The following TMEM30B variants were observed in gnomAD, a reference collection of about 807,000 sequenced individuals.
TMEM30B encodes cell cycle control protein 50B.
TMEM30B carries 25 observed loss-of-function variants against 27.9 expected under a neutral mutation model. That is an observed-to-expected ratio of 0.89 (90% CI 0.65 to 1.25). TMEM30B has a LOEUF of 1.25. Among genes scored for constraint, TMEM30B ranks in the 50% most tolerant of loss-of-function variants. The probability of loss-of-function intolerance (pLI) is 0.00; values close to 1 mark genes in which losing one functional copy is unlikely to be tolerated. For missense variants in TMEM30B, 536 were observed against 506.5 expected, an observed-to-expected ratio of 1.06 and a Z score of -0.56; for synonymous variants, 248 against 238.5, an observed-to-expected ratio of 1.04 and a Z score of -0.37.
At position 61,277,860 on chromosome 14, in the gene TMEM30B, A is replaced by C. The variant is rs2140089971; in HGVS notation, c.*2232T>G. On this transcript the variant is annotated 3_prime_UTR_variant, in exon 1 of 1. Coordinates refer to ENST00000555868, the MANE Select transcript of TMEM30B (RefSeq NM_001017970.3). The stretch of plus-strand genomic sequence containing the variant: ...ATTGAGTTCATTTTAACTGAATGTT[A>C]CTATAAAAGATGGTTTTCTTGCTGC... 1 of 152,310 alleles carries C rather than the reference A, an allele frequency of 6.6e-6. No homozygotes were observed. The highest frequency in any genetic ancestry group is 1.5e-5 in the Non-Finnish European group (1 of 68,014). The allele number at this position is 152,310 out of a possible 1,614,324, so 9.4% of individuals were successfully genotyped here. A position where few individuals can be genotyped will look rare whatever the true frequency, so the allele number is the denominator to read the frequency against.
In TMEM30B at chr14:61,278,496, T is replaced by A. The variant is rs1446250790; in HGVS notation, c.*1596A>T. On this transcript the variant is annotated 3_prime_UTR_variant, in exon 1 of 1. Transcript: ENST00000555868. ...AAAGACTAGAATAAACTATGTAAAC[T>A]ATTCAATACAATTCAATATTACTTA... The A allele has an allele frequency of 1.3e-5, 2 of 152,354 alleles. No individual in the cohort carries two copies. The highest frequency in any genetic ancestry group is 1.3e-4 in the Admixed American group (2 of 15,306). 9.4% of individuals were successfully genotyped at this position (152,354 alleles called of 1,614,324 possible).
chr14:61,280,668 C>A lies in TMEM30B; in HGVS notation c.480G>T (p.Ala160=), dbSNP rs568446535. 172 of 1,572,198 alleles carry A rather than the reference C, an allele frequency of 1.1e-4. No homozygotes were observed. The highest frequency in any genetic ancestry group is 1.4e-4 in the Non-Finnish European group (165 of 1,160,492). Residue 160 remains alanine (A), a synonymous_variant, in exon 1 of 1, where the codon GCG becomes GCT. Coordinates refer to ENST00000555868, the MANE Select transcript of TMEM30B (RefSeq NM_001017970.3). The surrounding 1 kb of genome is among the most constrained non-coding windows in gnomAD (Gnocchi z 5.0). ...YQRSAAGLPI[A]PCGAIANSLF... ...GGCTGTTGGCGATGGCGCCGCAGGG[C>A]GCGATGGGCAGGCCGGCCGCGCTGC...
chr14:61,281,186 G>T lies in TMEM30B; in HGVS notation c.-39C>A. 8.1e-7 allele frequency: 1 copy of T among 1,240,680 alleles called. No homozygotes were observed. The highest frequency in any genetic ancestry group is 3.4e-5 in the South Asian group (1 of 29,734). 76.9% of individuals were successfully genotyped at this position (1,240,680 alleles called of 1,614,324 possible). On this transcript the variant is annotated 5_prime_UTR_variant, in exon 1 of 1. Transcript: ENST00000555868. The stretch of plus-strand genomic sequence containing the variant: ...GGACCGACGCGCGGGCTGACCGAGT[G>T]GGGGCCCCGCCGCGGGGCGCCTCCC...
In TMEM30B at chr14:61,281,089, T is replaced by A; in HGVS notation, c.59A>T (p.Gln20Leu). ...AHQPDNTAFTQQRLPAWQPLL... is the reference protein window; with the variant it reads ...AHQPDNTAFTLQRLPAWQPLL... The stretch of plus-strand genomic sequence containing the variant: ...CGGCTGCCAGGCGGGGAGGCGCTGC[T>A]GAGTGAAGGCGGTGTTGTCGGGCTG... The change falls in exon 1 of 1, where the codon CAG becomes CTG. Residue 20 changes from glutamine to leucine, a missense_variant. Gln to Leu is a moderately radical substitution (Grantham distance 113). Transcript: ENST00000555868. 6.6e-7 allele frequency: 1 copy of A among 1,507,820 alleles called. No homozygotes were observed. The highest frequency in any genetic ancestry group is 8.8e-7 in the Non-Finnish European group (1 of 1,132,198). The allele number at this position is 1,507,820 out of a possible 1,614,324, so 93.4% of individuals were successfully genotyped here. A position where few individuals can be genotyped will look rare whatever the true frequency, so the allele number is the denominator to read the frequency against.
chr14:61,280,822 T>C lies in TMEM30B; in HGVS notation c.326A>G (p.Tyr109Cys). 2 of 1,563,926 alleles carry C rather than the reference T, an allele frequency of 1.3e-6. No individual in the cohort carries two copies. Among genetic ancestry groups the C allele is most frequent in the Non-Finnish European group, 8.6e-7 (1 of 1,163,750 alleles). Residue 109 changes from tyrosine to cysteine, a missense_variant, in exon 1 of 1, where the codon TAC becomes TGC. Transcript: ENST00000555868. The surrounding 1 kb of genome is among the most constrained non-coding windows in gnomAD (Gnocchi z 5.0). Reference protein sequence around the residue: ...SLPELFQGPVYLYYELTNFYQ... With the variant: ...SLPELFQGPVCLYYELTNFYQ... ...GAAGTTGGTCAGCTCGTAGTAGAGGTACACTGGGCCCTGGAAGAGCTCGGG... is the reference window on the plus strand; with the variant it reads ...GAAGTTGGTCAGCTCGTAGTAGAGGCACACTGGGCCCTGGAAGAGCTCGGG...
chr14:61,281,175 G>C lies in TMEM30B; in HGVS notation c.-28C>G. ...CGGCCGCGCGGGGACCGACGCGCGG[G>C]CTGACCGAGTGGGGGCCCCGCCGCG... On this transcript the variant is annotated 5_prime_UTR_variant, in exon 1 of 1. Coordinates refer to ENST00000555868, the MANE Select transcript of TMEM30B (RefSeq NM_001017970.3). 7.8e-7 allele frequency: 1 copy of C among 1,282,520 alleles called. No homozygotes were observed. The highest frequency in any genetic ancestry group is 9.9e-7 in the Non-Finnish European group (1 of 1,012,602). The allele number at this position is 1,282,520 out of a possible 1,614,324, so 79.4% of individuals were successfully genotyped here.
At position 61,279,273 on chromosome 14, in the gene TMEM30B, A is replaced by T. The variant is rs1473127469; in HGVS notation, c.*819T>A. 1 of 152,244 alleles carries T rather than the reference A, an allele frequency of 6.6e-6. No homozygotes were observed. The highest frequency in any genetic ancestry group is 6.5e-5 in the Admixed American group (1 of 15,284). The allele number at this position is 152,244 out of a possible 1,614,324, so 9.4% of individuals were successfully genotyped here. On this transcript the variant is annotated 3_prime_UTR_variant, in exon 1 of 1. Transcript: ENST00000555868. ...TGCCAACTAGTTTTCCCCAGATAGT[A>T]ATTTTTTAAAAATTCATTCCACAAA...
At position 61,280,473 on chromosome 14, in the gene TMEM30B, G is replaced by T; in HGVS notation, c.675C>A (p.Pro225=). 1 of 1,613,340 alleles carries T rather than the reference G, an allele frequency of 6.2e-7. No homozygotes were observed. The highest frequency in any genetic ancestry group is 1.1e-5 in the South Asian group (1 of 91,042). Residue 225 remains proline, a synonymous_variant, in exon 1 of 1, where the codon CCC becomes CCA. Transcript: ENST00000555868. This position sits in a 1 kb window ranked among gnomAD's most constrained non-coding sequence, Gnocchi z 5.0. ...SLALAFQGTA[P]PPNWRRPVYE... is the part of the protein sequence containing the mutation. ...AGACTGGCCGGCGCCAGTTGGGCGG[G>T]GGCGCCGTGCCCTGGAAGGCCAACG...
chr14:61,279,979 A>G lies in TMEM30B; in HGVS notation c.*113T>C. On this transcript the variant is annotated 3_prime_UTR_variant, in exon 1 of 1. Coordinates refer to ENST00000555868, the MANE Select transcript of TMEM30B (RefSeq NM_001017970.3). ...CCCTTATCTGGTCCCCTCATTCACA[A>G]AGGGAGGAAAAGCTAGGCGAGGTTG... The G allele has an allele frequency of 3.2e-6, 3 of 924,456 alleles. No homozygotes were observed. Among genetic ancestry groups the G allele is most frequent in the Non-Finnish European group, 4.8e-6 (3 of 620,544 alleles). The allele number at this position is 924,456 out of a possible 1,614,324, so 57.3% of individuals were successfully genotyped here.
In TMEM30B at chr14:61,280,052, GT is replaced by G; in HGVS notation, c.*39del. The G allele has an allele frequency of 6.5e-7, 1 of 1,529,526 alleles. No homozygotes were observed. The highest frequency in any genetic ancestry group is 8.8e-7 in the Non-Finnish European group (1 of 1,135,336). 94.7% of individuals were successfully genotyped at this position (1,529,526 alleles called of 1,614,324 possible). A position where few individuals can be genotyped will look rare whatever the true frequency, so the allele number is the denominator to read the frequency against. Reference sequence around the variant, plus strand: ...GAGATGCCAAAAGCACCTTGCAAGAGTTTTGGCAAGAAGCAGGAGGGATCCC... The same window carrying G: ...GAGATGCCAAAAGCACCTTGCAAGAGTTTGGCAAGAAGCAGGAGGGATCCC... On this transcript the variant is annotated 3_prime_UTR_variant, in exon 1 of 1. Coordinates refer to ENST00000555868, the MANE Select transcript of TMEM30B (RefSeq NM_001017970.3). This position sits in a 1 kb window ranked among gnomAD's most constrained non-coding sequence, Gnocchi z 5.0.
rs2045250410 is a variant in TMEM30B, at chr14:61,280,591, T to C, written c.557A>G (p.Tyr186Cys). The C allele has an allele frequency of 6.3e-7, 1 of 1,595,866 alleles. No homozygotes were observed. Among genetic ancestry groups the C allele is most frequent in the Non-Finnish European group, 8.5e-7 (1 of 1,171,542 alleles). Residue 186 changes from tyrosine (Y) to cysteine (C), a missense_variant, in exon 1 of 1, where the codon TAC becomes TGC. Transcript: ENST00000555868. The surrounding 1 kb of genome is among the most constrained non-coding windows in gnomAD (Gnocchi z 5.0). Reference sequence around the variant, plus strand: ...GGAGCGGTCGAGCGGCACCTCGACGTAGGGCCCGCCGGGCTGGCGCTGGTG... The same window carrying C: ...GGAGCGGTCGAGCGGCACCTCGACGCAGGGCCCGCCGGGCTGGCGCTGGTG... ...LWHQRQPGGP[Y>C]VEVPLDRSGI...
In TMEM30B at chr14:61,281,050, C is replaced by T; in HGVS notation, c.98G>A (p.Ser33Asn). 1.3e-6 allele frequency: 2 copies of T among 1,525,266 alleles called. No individual in the cohort carries two copies. The highest frequency in any genetic ancestry group is 1.8e-6 in the Non-Finnish European group (2 of 1,139,568). The allele number at this position is 1,525,266 out of a possible 1,614,324, so 94.5% of individuals were successfully genotyped here. A position where few individuals can be genotyped will look rare whatever the true frequency, so the allele number is the denominator to read the frequency against. The part of the protein sequence containing the change: ...LPAWQPLLSA[S>N]IALPLFFCAG... ...GCAGAAGAAGAGCGGCAGCGCGATG[C>T]TGGCCGACAGCAGCGGCTGCCAGGC... Residue 33 changes from serine (S) to asparagine (N), a missense_variant, in exon 1 of 1, where the codon AGC becomes AAC. By Grantham distance (46) the Ser-to-Asn change is conservative. Transcript: ENST00000555868.
Position 61,281,046 on chromosome 14 carries a change from G to A in TMEM30B, c.102C>T (p.Ile34=), listed in dbSNP as rs1469387143. 4.6e-6 allele frequency: 7 copies of A among 1,525,952 alleles called. No homozygotes were observed. The highest frequency in any genetic ancestry group is 1.4e-5 in the African/African-American group (1 of 70,504). 94.5% of individuals were successfully genotyped at this position (1,525,952 alleles called of 1,614,324 possible). The change falls in exon 1 of 1, where the codon ATC becomes ATT. Residue 34 remains isoleucine (I), a synonymous_variant. Coordinates refer to ENST00000555868, the MANE Select transcript of TMEM30B (RefSeq NM_001017970.3). ...CCGCGCAGAAGAAGAGCGGCAGCGC[G>A]ATGCTGGCCGACAGCAGCGGCTGCC... ...PAWQPLLSAS[I]ALPLFFCAGL...
At position 61,280,979 on chromosome 14, in the gene TMEM30B, A is replaced by G; in HGVS notation, c.169T>C (p.Ser57Pro). The G allele has an allele frequency of 6.5e-7, 1 of 1,542,450 alleles. No homozygotes were observed. The change falls in exon 1 of 1, where the codon TCC becomes CCC. Residue 57 changes from serine (S) to proline (P), a missense_variant. Coordinates refer to ENST00000555868, the MANE Select transcript of TMEM30B (RefSeq NM_001017970.3). This position sits in a 1 kb window ranked among gnomAD's most constrained non-coding sequence, Gnocchi z 5.0. Reference protein sequence around the residue: ...IGLGLGLYYSSNGIKELEYDY... With the variant: ...IGLGLGLYYSPNGIKELEYDY... Reference sequence around the variant, plus strand: ...TACTCCAGCTCCTTGATGCCGTTGGAGGAGTAGTAGAGGCCCAGGCCCAGG... The same window carrying G: ...TACTCCAGCTCCTTGATGCCGTTGGGGGAGTAGTAGAGGCCCAGGCCCAGG...
Position 61,281,101 on chromosome 14 carries a change from G to T in TMEM30B, c.47C>A (p.Thr16Asn), listed in dbSNP as rs1437532043. The part of the protein sequence containing the change: ...TARGAHQPDN[T>N]AFTQQRLPAW... ...GGGGAGGCGCTGCTGAGTGAAGGCG[G>T]TGTTGTCGGGCTGGTGGGCGCCCCG... The change falls in exon 1 of 1, where the codon ACC (threonine) becomes AAC (asparagine). Residue 16 changes from threonine (T) to asparagine (N), a missense_variant. Coordinates refer to ENST00000555868, the MANE Select transcript of TMEM30B (RefSeq NM_001017970.3). The T allele has an allele frequency of 1.4e-6, 2 of 1,476,492 alleles. No individual in the cohort carries two copies. Among genetic ancestry groups the T allele is most frequent in the Admixed American group, 2.4e-5 (1 of 42,476 alleles). 91.5% of individuals were successfully genotyped at this position (1,476,492 alleles called of 1,614,324 possible). A position where few individuals can be genotyped will look rare whatever the true frequency, so the allele number is the denominator to read the frequency against.
rs1343775790 is a variant in TMEM30B, at chr14:61,280,171, G to A, written c.977C>T (p.Ser326Phe). ...GACAAAGCCGGTGAGGATGCAGAGG[G>A]AGCCGACGACCAGGTAGGCGATGCC... ...FLGIAYLVVGSLCILTGFVML... is the reference protein window; with the variant it reads ...FLGIAYLVVGFLCILTGFVML... The change falls in exon 1 of 1, where the codon TCC becomes TTC. Residue 326 changes from serine to phenylalanine, a missense_variant. Coordinates refer to ENST00000555868, the MANE Select transcript of TMEM30B (RefSeq NM_001017970.3). This position sits in a 1 kb window ranked among gnomAD's most constrained non-coding sequence, Gnocchi z 5.0. The A allele has an allele frequency of 6.2e-7, 1 of 1,614,150 alleles. No individual in the cohort carries two copies. Among genetic ancestry groups the A allele is most frequent in the Non-Finnish European group, 8.5e-7 (1 of 1,180,014 alleles).
chr14:61,280,196 C>T lies in TMEM30B; in HGVS notation c.952G>A (p.Gly318Ser), dbSNP rs1383824421. ...GAGCCGACGACCAGGTAGGCGATGCCCAGGAAGGGGTTCTTGCCACCCATC... is the reference window on the plus strand; with the variant it reads ...GAGCCGACGACCAGGTAGGCGATGCTCAGGAAGGGGTTCTTGCCACCCATC... Reference protein sequence around the residue: ...SWMGGKNPFLGIAYLVVGSLC... With the variant: ...SWMGGKNPFLSIAYLVVGSLC... The change falls in exon 1 of 1, where the codon GGC (glycine) becomes AGC (serine). Residue 318 changes from glycine (G) to serine (S), a missense_variant. Gly to Ser is a moderately conservative substitution (Grantham distance 56, BLOSUM62 0). Coordinates refer to ENST00000555868, the MANE Select transcript of TMEM30B (RefSeq NM_001017970.3). This position sits in a 1 kb window ranked among gnomAD's most constrained non-coding sequence, Gnocchi z 5.0. The T allele has an allele frequency of 6.2e-7, 1 of 1,613,508 alleles. No individual in the cohort carries two copies. The highest frequency in any genetic ancestry group is 8.5e-7 in the Non-Finnish European group (1 of 1,179,672).
rs946962005 is a variant in TMEM30B at position 61,277,489 on chromosome 14, T to C, written c.*2603A>G. ...ATACTTCTAGCTAGTGAACATTTAC[T>C]GGGCAACAAGGGAATTCAGGCCAAC... On this transcript the variant is annotated 3_prime_UTR_variant, in exon 1 of 1. Coordinates refer to ENST00000555868, the MANE Select transcript of TMEM30B (RefSeq NM_001017970.3). The C allele has an allele frequency of 1.3e-5, 2 of 152,316 alleles. No individual in the cohort carries two copies. The highest frequency in any genetic ancestry group is 4.8e-5 in the African/African-American group (2 of 41,566). 9.4% of individuals were successfully genotyped at this position (152,316 alleles called of 1,614,324 possible). A position where few individuals can be genotyped will look rare whatever the true frequency, so the allele number is the denominator to read the frequency against.
At position 61,280,272 on chromosome 14, in the gene TMEM30B, C is replaced by G. The variant is rs752497357; in HGVS notation, c.876G>C (p.Pro292=). ...AYRVNITYNY[P]VRAFGGHKLL... ...GCTTGTGGCCGCCGAACGCGCGCAC[C>G]GGGTAGTTGTAGGTGATGTTGACGC... Residue 292 remains proline, a synonymous_variant, in exon 1 of 1, where the codon CCG becomes CCC. Transcript: ENST00000555868. The surrounding 1 kb of genome is among the most constrained non-coding windows in gnomAD (Gnocchi z 5.0). The G allele has an allele frequency of 6.2e-7, 1 of 1,613,846 alleles. No individual in the cohort carries two copies. Among genetic ancestry groups the G allele is most frequent in the South Asian group, 1.1e-5 (1 of 91,070 alleles).
Sources: gnomAD v4.1 joint callset for allele counts on GRCh38, gnomAD v4.1.1 for gene constraint, Gnocchi (gnomAD v3.1) non-coding constraint, MANE v1.5 for transcripts, NCBI Gene and HGNC (gene_info 2026-07-23, HGNC 2026-07-21) for gene names.